RNF213: variants seen among roughly 807,000 people sequenced by gnomAD.
RNF213 encodes ring finger protein 213, also known as E3 ubiquitin-protein ligase RNF213.
RNF213 carries 341 observed loss-of-function variants against 514.4 expected under a neutral mutation model. The ratio of observed to expected loss-of-function variants is 0.66; its 90% CI spans 0.61 to 0.73. The LOEUF is 0.73. RNF213 is among the 30% of genes least tolerant of loss of function. The pLI is 0.00. For missense variants in RNF213, 5,767 were observed against 6,615.6 expected (o/e 0.87, Z 4.45); for synonymous variants, 2,655 against 2,658.2 (o/e 1.00, Z 0.04).
intron 36 of RNF213, chr17:80,355,133 G>C (rs1428940226): frequency 6.6e-6 from 3 of 455,004 alleles, no homozygotes; most frequent in African/African-American, 6.0e-5. Flanking sequence ...CAGACTCTCA[G>C]ACCTCCTGCC....
At chr17:80,373,486 C>T (rs755395330) in intron 49 of RNF213, among the ~76,000 whole-genome samples, 11 of 152,062 alleles carry the variant, frequency 7.2e-5, no homozygotes, top group Non-Finnish European at 1.5e-4. Context: ...CATGTTTACA[C>T]TGCCTGCTGT....
chr17:80,269,352 C>T (rs1026750702), intron 2 of RNF213, among the ~76,000 whole-genome samples: 2 of 151,816 alleles, frequency 1.3e-5, no homozygotes, highest in Non-Finnish European at 2.9e-5. Context: ...CATCCCTCTA[C>T]CCTATCTGTC....
intron 3 of RNF213, among the ~76,000 whole-genome samples, chr17:80,279,689 G>A (rs1420409072): frequency 6.6e-6 from 1 of 151,918 alleles, no homozygotes; most frequent in Non-Finnish European, 1.5e-5. Flanking sequence ...GGCTGGTCTC[G>A]AACTCCTGGC....
At chr17:80,311,264 A>G (rs2045560670) in intron 14 of RNF213, among the ~76,000 whole-genome samples, 1 of 152,254 alleles carries the variant, frequency 6.6e-6, no homozygotes, top group South Asian at 2.1e-4. Flanking sequence ...CGCATGTTGA[A>G]GAAACTTTTA....
At chr17:80,332,801 T>A (rs2046452187) in intron 21 of RNF213, among the ~76,000 whole-genome samples, 170 bp downstream of exon 21, 1 of 152,114 alleles carries the variant, frequency 6.6e-6, no homozygotes, top group African/African-American at 2.4e-5. Flanking sequence ...GGCTTTGTTT[T>A]TACCTTTGTT....
Position 80,309,187 on chromosome 17 carries a change from A to G in RNF213, c.2655+16A>G. 6.2e-7 allele frequency: 1 copy of G among 1,614,182 alleles called. No individual in the cohort carries two copies. Among genetic ancestry groups the G allele is most frequent in the Non-Finnish European group, 8.5e-7 (1 of 1,180,022 alleles). Reference sequence around the variant, plus strand: ...ATCTCTGGTGGTAAGTGGAGTCAACACACAAGGTATCACACCCGGGATAGG... The same window carrying G: ...ATCTCTGGTGGTAAGTGGAGTCAACGCACAAGGTATCACACCCGGGATAGG... On this transcript the variant is annotated intron_variant, in intron 14 of 67. Coordinates refer to ENST00000582970, the MANE Select transcript of RNF213 (RefSeq NM_001256071.3).
chr17:80,381,925 T>C (rs1249855566), intron 57 of RNF213, 198 bp downstream of exon 57: 1 of 617,840 alleles, frequency 1.6e-6, no homozygotes, highest in Non-Finnish European at 2.9e-6. Context: ...GGAAGCACTC[T>C]GCTTGCCCAG....
rs746467687 is a variant in RNF213, at chr17:80,345,566, C to A, written c.7231C>A (p.Arg2411=). ...LKILAIEMRF[R]CGIPVIIMGE... ...AATCCTTGCCATCGAGATGCGGTTC[C>A]GGTGTGGGATCCCGGTTATCATCAT... is the stretch of plus-strand genomic sequence containing the variant. Residue 2411 remains arginine, a synonymous_variant, in exon 29 of 68, where the codon CGG becomes AGG. Coordinates refer to ENST00000582970, the MANE Select transcript of RNF213 (RefSeq NM_001256071.3). This position sits in a 1 kb window ranked among gnomAD's most constrained non-coding sequence, Gnocchi z 6.0. 1 of 1,613,386 alleles carries A rather than the reference C, an allele frequency of 6.2e-7. No homozygotes were observed. The highest frequency in any genetic ancestry group is 8.5e-7 in the Non-Finnish European group (1 of 1,179,448).
rs932659561 is a variant in RNF213, at chr17:80,297,912, C to T, written c.2013-409C>T. ...TTCGAGGTTATAATGATCGCACCAC[C>T]GCGCTGCCTTGATGACAGAGTGAGA... On this transcript the variant is annotated intron_variant, in intron 10 of 67. Coordinates refer to ENST00000582970, the MANE Select transcript of RNF213 (RefSeq NM_001256071.3). Among the ~76,000 whole-genome samples, 8 of 152,174 alleles carry T rather than the reference C, an allele frequency of 5.3e-5. No homozygotes were observed. In the East Asian group the frequency reaches 9.7e-4, roughly 18 times the overall value.
chr17:80,358,304 C>T lies in RNF213; in HGVS notation c.10879C>T (p.Arg3627Trp), dbSNP rs141234263. ...GTGCTGCAGGCACACCCTCTGGAAG[C>T]GGGTCCAAGGTGCTGTCACCCCTCT... ...AGTFRHTLWK[R>W]VQGAVTPLLA... The change falls in exon 37 of 68, where the codon CGG (arginine) becomes TGG (tryptophan). Residue 3627 changes from arginine (R) to tryptophan (W), a missense_variant. Physicochemically the swap from Arg to Trp is moderately radical, Grantham distance 101. This residue lies in a region of RNF213 where 919 missense variants were observed against 1,121.0 expected (regional missense o/e 0.82). Transcript: ENST00000582970. The T allele has an allele frequency of 1.3e-5, 21 of 1,613,886 alleles. No individual in the cohort carries two copies. The highest frequency in any genetic ancestry group is 3.3e-5 in the Admixed American group (2 of 60,000).
In RNF213 at chr17:80,346,345, C is replaced by T. The variant is rs143491577; in HGVS notation, c.8010C>T (p.Ser2670=). 302 of 1,613,686 alleles carry T rather than the reference C, an allele frequency of 1.9e-4. No individual in the cohort carries two copies. In the African/African-American group the frequency reaches 2.7e-3, roughly 15 times the overall value. ...TGAATGCCTTTCTCTCCAAGTCCAG[C>T]GTCAGCAAAAATCACACCGAGAGAG... ...AQLNAFLSKS[S]VSKNHTERDP... Residue 2670 remains serine, a synonymous_variant, in exon 29 of 68, where the codon AGC becomes AGT. Coordinates refer to ENST00000582970, the MANE Select transcript of RNF213 (RefSeq NM_001256071.3). This position sits in a 1 kb window ranked among gnomAD's most constrained non-coding sequence, Gnocchi z 8.1.
At chr17:80,295,312 T>C (rs9909720) in intron 9 of RNF213, among the ~76,000 whole-genome samples, 28,870 of 151,990 alleles carry the variant, frequency 0.19, 2,934 homozygotes, top group African/African-American at 0.25. Flanking sequence ...GCAGCCTGGG[T>C]GGGTTTCAGG....
intron 3 of RNF213, among the ~76,000 whole-genome samples, chr17:80,285,622 C>T (rs180823247): frequency 2.9e-3 from 449 of 152,272 alleles, no homozygotes; most frequent in Non-Finnish European, 5.0e-3. Context: ...CGCCACTCTA[C>T]AGTGCTGGGC....
chr17:80,275,552 A>G (rs529698608), intron 3 of RNF213, among the ~76,000 whole-genome samples: 4 of 152,276 alleles, frequency 2.6e-5, no homozygotes, highest in Admixed American at 2.0e-4. Context: ...CGCACTCGAA[A>G]AAGACCTGAG....
chr17:80,288,447 C>CTTGGG lies in RNF213; in HGVS notation c.810+84_810+85insTTGGG. 1.2e-6 allele frequency: 2 copies of CTTGGG among 1,600,294 alleles called. No individual in the cohort carries two copies. On this transcript the variant is annotated intron_variant, in intron 4 of 67. Coordinates refer to ENST00000582970, the MANE Select transcript of RNF213 (RefSeq NM_001256071.3). The surrounding 1 kb of genome is among the most constrained non-coding windows in gnomAD (Gnocchi z 4.9). ...TGCTGCAAGGTGCTGGCGTTGCTTC[C>CTTGGG]CTGCCGGGGGGAGGGGCGTCCTCTG... is the stretch of plus-strand genomic sequence containing the variant.
intron 36 of RNF213, among the ~76,000 whole-genome samples, chr17:80,356,739 G>A (rs939888989): frequency 5.9e-5 from 9 of 152,218 alleles, no homozygotes; most frequent in Non-Finnish European, 1.2e-4. Context: ...TTTTGTGTTC[G>A]CGACACTTTT....
chr17:80,383,164 A>C (rs1051571199), intron 58 of RNF213, 94 bp downstream of exon 58: 6 of 857,028 alleles, frequency 7.0e-6, no homozygotes, highest in Non-Finnish European at 1.2e-5. Context: ...TGCCCCTCGT[A>C]GCGGTGCCAG....
In RNF213 at chr17:80,383,081, A is replaced by C; in HGVS notation, c.14070+11A>C. Reference sequence around the variant, plus strand: ...TCTCCTGAACTGGAGGTAAGCAGTAAGTGCTGACAGCTGGGTTGCTCCTCG... The same window carrying C: ...TCTCCTGAACTGGAGGTAAGCAGTACGTGCTGACAGCTGGGTTGCTCCTCG... On this transcript the variant is annotated intron_variant, in intron 58 of 67. Transcript: ENST00000582970. The C allele has an allele frequency of 6.3e-7, 1 of 1,595,050 alleles. No individual in the cohort carries two copies. The highest frequency in any genetic ancestry group is 8.6e-7 in the Non-Finnish European group (1 of 1,162,748).
chr17:80,290,408 T>C (rs990619705), intron 6 of RNF213, among the ~76,000 whole-genome samples, 162 bp from the exon 7 acceptor site: 2 of 136,524 alleles, frequency 1.5e-5, no homozygotes, highest in Non-Finnish European at 3.1e-5. Flanking sequence ...TGTGCTTGTG[T>C]GTGTGCGTGT....
Sources: allele counts gnomAD v4.1 joint callset (sites outside exome capture counted in the v4.1 genomes callset), GRCh38; gene constraint gnomAD v4.1.1; regional missense constraint gnomAD v4.1.1; non-coding constraint Gnocchi (gnomAD v3.1); transcripts MANE v1.5; gene names NCBI Gene and HGNC (gene_info 2026-07-23, HGNC 2026-07-21).